The following SLC35F1 variants were observed in gnomAD, a reference collection of about 807,000 sequenced individuals.
The protein encoded by SLC35F1 is chromosome 6 open reading frame 169.
In SLC35F1, 14 loss-of-function variants were observed where a neutral mutation model predicts 48.7. The ratio of observed to expected loss-of-function variants is 0.29; its 90% CI spans 0.19 to 0.45. The LOEUF (loss-of-function observed/expected upper bound fraction) is 0.45, where lower values mean the gene tolerates loss of function less well. Among genes scored for constraint, SLC35F1 ranks in the 20% least tolerant of loss-of-function variants. SLC35F1 has a pLI of 1.00. For synonymous variants in SLC35F1, 190 were observed against 202.2 expected, an observed-to-expected ratio of 0.94 and a Z score of 0.51; for missense variants, 404 against 500.0, an observed-to-expected ratio of 0.81 and a Z score of 1.83.
Position 118,113,546 on chromosome 6 carries a change from A to T in SLC35F1, c.174-40899A>T, listed in dbSNP as rs533292625. On this transcript the variant is annotated intron_variant, in intron 1 of 7. Transcript: ENST00000360388. ...TATTCACTTTTGCTGTGAACCTCAA[A>T]CTATTCTAGAAATGAAGTTTTTTAA... Among the ~76,000 whole-genome samples, 5 of 152,308 alleles carry T rather than the reference A, an allele frequency of 3.3e-5. No individual in the cohort carries two copies. The East Asian group carries it at 7.7e-4, about 24-fold the overall frequency.
intron 1 of SLC35F1, among the ~76,000 whole-genome samples, chr6:118,118,941 CTT>C (rs35921856): frequency 0.38 from 53,897 of 143,678 alleles, 10,706 homozygotes; most frequent in Non-Finnish European, 0.47. Flanking sequence ...TGCTTGTTTG[CTT>C]TTTTTTTTTT....
At chr6:118,115,416 G>A (rs973995073) in intron 1 of SLC35F1, among the ~76,000 whole-genome samples, 4 of 152,154 alleles carry the variant, frequency 2.6e-5, no homozygotes, top group Non-Finnish European at 5.9e-5. Context: ...CAGAGTGGTG[G>A]TTTTAATGAT....
At chr6:118,211,785 G>A (rs1488289390) in intron 2 of SLC35F1, among the ~76,000 whole-genome samples, 1 of 152,186 alleles carries the variant, frequency 6.6e-6, no homozygotes, top group Non-Finnish European at 1.5e-5. Context: ...ATTGTACAGT[G>A]CTGAGTGGAA....
At chr6:118,231,499 TC>T (rs1407271602) in intron 2 of SLC35F1, among the ~76,000 whole-genome samples, 1 of 152,154 alleles carries the variant, frequency 6.6e-6, no homozygotes, top group African/African-American at 2.4e-5. Flanking sequence ...TGTAGATAAA[TC>T]CCCAAGCTGG....
chr6:118,168,698 G>A lies in SLC35F1; in HGVS notation c.349+14078G>A, dbSNP rs1774355280. On this transcript the variant is annotated intron_variant, in intron 2 of 7. Transcript: ENST00000360388. ...ACAGCAACTGACTTCAGACCCAAGT[G>A]ACCCCTCTATGTAATGGCAAACTGG... is the stretch of plus-strand genomic sequence containing the variant. Among the ~76,000 whole-genome samples, 4 of 152,128 alleles carry A rather than the reference G, an allele frequency of 2.6e-5. No homozygotes were observed. In the South Asian group the frequency reaches 8.3e-4, roughly 32 times the overall value.
Position 118,314,046 on chromosome 6 carries a change from C to T in SLC35F1, c.1021C>T (p.Leu341=). ...FHYKFSGLYL[L]SFFTILIGLV... ...TTTTTAGTTTTCAGGACTTTATCTC[C>T]TGTCTTTCTTCACCATCCTCATTGG... The change falls in exon 8 of 8, where the codon CTG becomes TTG. Residue 341 remains leucine (L), a synonymous_variant. Coordinates refer to ENST00000360388, the MANE Select transcript of SLC35F1 (RefSeq NM_001029858.4). 5 of 1,614,166 alleles carry T rather than the reference C, an allele frequency of 3.1e-6. No homozygotes were observed. The highest frequency in any genetic ancestry group is 4.2e-6 in the Non-Finnish European group (5 of 1,180,026).
At position 118,100,621 on chromosome 6, in the gene SLC35F1, G is replaced by A. The variant is rs114393118; in HGVS notation, c.174-53824G>A. Among the ~76,000 whole-genome samples, 208 of 152,250 alleles carry A rather than the reference G, an allele frequency of 1.4e-3. 1 individual carries two copies. Among genetic ancestry groups the A allele is most frequent in the African/African-American group, 4.7e-3 (195 of 41,542 alleles). ...TGTGAAGCTTCTGTCATCCTCATTC[G>A]TACATTACCCTCCTGGTATCAAAGT... On this transcript the variant is annotated intron_variant, in intron 1 of 7. Transcript: ENST00000360388.
intron 1 of SLC35F1, among the ~76,000 whole-genome samples, chr6:118,114,539 A>AT (rs386408393): frequency 0.028 from 4,110 of 148,578 alleles, 128 homozygotes; most frequent in African/African-American, 0.079. Flanking sequence ...ACGCCCAGCT[A>AT]TTTTTTTTTT....
At chr6:118,312,831 C>T (rs1776386456) in intron 7 of SLC35F1, among the ~76,000 whole-genome samples, 1 of 152,076 alleles carries the variant, frequency 6.6e-6, no homozygotes, top group Non-Finnish European at 1.5e-5. Flanking sequence ...GGGTCATTTT[C>T]CTGTTTTCCT....
intron 4 of SLC35F1, among the ~76,000 whole-genome samples, chr6:118,271,269 A>G (rs1775848581): frequency 6.6e-6 from 1 of 152,220 alleles, no homozygotes. Context: ...AGGGCACACC[A>G]TCACCAAATT....
At chr6:118,013,221 T>G (rs752778161) in intron 1 of SLC35F1, among the ~76,000 whole-genome samples, 11 of 152,168 alleles carry the variant, frequency 7.2e-5, no homozygotes, top group Non-Finnish European at 1.6e-4. Flanking sequence ...CCTGATGTGA[T>G]GAGCTCACCC....
chr6:118,313,982 G>A (rs777979483), intron 7 of SLC35F1, 46 bp from the exon 8 acceptor site: 90 of 1,566,906 alleles, frequency 5.7e-5, no homozygotes, highest in Middle Eastern at 1.7e-4. Context: ...ATGTGTCAGT[G>A]GTTCTGCCCT....
At chr6:118,199,709 A>G (rs915639294) in intron 2 of SLC35F1, among the ~76,000 whole-genome samples, 2 of 152,178 alleles carry the variant, frequency 1.3e-5, no homozygotes, top group Non-Finnish European at 2.9e-5. Flanking sequence ...GAAATAATCA[A>G]TGCATTTCAC....
intron 1 of SLC35F1, among the ~76,000 whole-genome samples, chr6:118,046,113 AG>A (rs1234838694): frequency 6.6e-6 from 1 of 152,226 alleles, no homozygotes; most frequent in Admixed American, 6.6e-5. Flanking sequence ...GCAAGGATCT[AG>A]GGACATTTGT....
chr6:118,123,761 C>T (rs1773586482), intron 1 of SLC35F1, among the ~76,000 whole-genome samples: 1 of 152,170 alleles, frequency 6.6e-6, no homozygotes, highest in African/African-American at 2.4e-5. Flanking sequence ...ACTGAATATC[C>T]ACTTTTGTCC....
chr6:118,155,164 C>T (rs746378779), intron 2 of SLC35F1, among the ~76,000 whole-genome samples: 10 of 152,248 alleles, frequency 6.6e-5, no homozygotes, highest in African/African-American at 2.2e-4. Context: ...AAAACAAGTC[C>T]TCCAAGAGCC....
intron 1 of SLC35F1, among the ~76,000 whole-genome samples, chr6:117,997,952 A>G (rs1324690900): frequency 6.6e-6 from 1 of 151,550 alleles, no homozygotes; most frequent in Non-Finnish European, 1.5e-5. Context: ...AATGGACTAA[A>G]TGCTCCAATT....
intron 1 of SLC35F1, among the ~76,000 whole-genome samples, chr6:118,006,332 T>C (rs1320107595): frequency 6.6e-6 from 1 of 152,138 alleles, no homozygotes; most frequent in Admixed American, 6.5e-5. Context: ...AAGTATCTGA[T>C]TTGGCCAGGT....
chr6:118,045,056 T>C (rs1582635997), intron 1 of SLC35F1, among the ~76,000 whole-genome samples: 1 of 152,332 alleles, frequency 6.6e-6, no homozygotes, highest in East Asian at 1.9e-4. Flanking sequence ...ATGAGAAGTT[T>C]TTAAAATACA....
Sources: allele counts gnomAD v4.1 joint callset (sites outside exome capture counted in the v4.1 genomes callset), GRCh38; gene constraint gnomAD v4.1.1; transcripts MANE v1.5; gene names NCBI Gene and HGNC (gene_info 2026-07-23, HGNC 2026-07-21).